The following RNF213 variants were observed in gnomAD, a reference collection of about 807,000 sequenced individuals.
RNF213 encodes ring finger protein 213.
A neutral mutation model predicts 514.4 loss-of-function variants in RNF213; 341 were observed. That is an observed-to-expected ratio of 0.66 (90% CI 0.61 to 0.73). RNF213 has a LOEUF of 0.73. RNF213 is among the 30% of genes least tolerant of loss of function. The pLI is 0.00. For missense variants in RNF213, 5,767 were observed against 6,615.6 expected, an observed-to-expected ratio of 0.87 and a Z score of 4.45; for synonymous variants, 2,655 against 2,658.2, an observed-to-expected ratio of 1.00 and a Z score of 0.04.
rs530851821 is a variant in RNF213 at position 80,396,500 on chromosome 17, G to A, written c.*3002G>A. The A allele has an allele frequency of 6.6e-6, 1 of 152,322 alleles. No individual in the cohort carries two copies. The highest frequency in any genetic ancestry group is 3.4e-3 in the Middle Eastern group (1 of 294). 9.4% of individuals were successfully genotyped at this position (152,322 alleles called of 1,614,324 possible). On this transcript the variant is annotated 3_prime_UTR_variant, in exon 68 of 68. Coordinates refer to ENST00000582970, the MANE Select transcript of RNF213 (RefSeq NM_001256071.3). ...TCTAGCCATGCACACAGGCACTAGT[G>A]TGCTGAAGGAAAACACCTCTGATTT...
chr17:80,311,772 G>A (rs2045582583), intron 14 of RNF213, among the ~76,000 whole-genome samples: 1 of 152,144 alleles, frequency 6.6e-6, no homozygotes, highest in African/African-American at 2.4e-5. Context: ...GCACCTGAGC[G>A]TATCCAGGTT....
At chr17:80,282,599 C>T (rs545508410) in intron 3 of RNF213, among the ~76,000 whole-genome samples, 17 of 152,224 alleles carry the variant, frequency 1.1e-4, no homozygotes, top group Middle Eastern at 6.8e-3. Context: ...GGGGTTTCAC[C>T]GTGTTAGCCA....
At chr17:80,318,100 C>G (rs2046007813) in intron 16 of RNF213, among the ~76,000 whole-genome samples, 1 of 152,124 alleles carries the variant, frequency 6.6e-6, no homozygotes, top group Non-Finnish European at 1.5e-5. Flanking sequence ...GTCCAGCCAT[C>G]CCTCTGAAGT....
chr17:80,353,489 A>G lies in RNF213; in HGVS notation c.10424-23A>G. ...TGTGCCACCTTCTGAGTGGTAACGCAATCACGTTTGCTTCGACTGCAGTGG... is the reference window on the plus strand; with the variant it reads ...TGTGCCACCTTCTGAGTGGTAACGCGATCACGTTTGCTTCGACTGCAGTGG... On this transcript the variant is annotated intron_variant, in intron 33 of 67. Transcript: ENST00000582970. This position sits in a 1 kb window ranked among gnomAD's most constrained non-coding sequence, Gnocchi z 5.0. The G allele has an allele frequency of 6.3e-7, 1 of 1,595,094 alleles. No homozygotes were observed. The highest frequency in any genetic ancestry group is 8.5e-7 in the Non-Finnish European group (1 of 1,170,772).
chr17:80,378,025 C>T (rs2079832396), intron 54 of RNF213, among the ~76,000 whole-genome samples: 2 of 152,154 alleles, frequency 1.3e-5, no homozygotes, highest in African/African-American at 4.8e-5. Context: ...CGTGGGCTGT[C>T]CTGTGCACTG....
intron 2 of RNF213, among the ~76,000 whole-genome samples, chr17:80,271,057 T>A (rs928365198): frequency 6.6e-6 from 1 of 151,982 alleles, no homozygotes; most frequent in African/African-American, 2.4e-5. Flanking sequence ...CCAGGGTAAA[T>A]ATCGGCCCTG....
intron 18 of RNF213, 146 bp downstream of exon 18, chr17:80,325,344 AC>A: frequency 1.3e-6 from 1 of 774,892 alleles, no homozygotes; most frequent in East Asian, 2.7e-5. Context: ...GGACAGAGAG[AC>A]CCTGGAAGGC....
rs993119013 is a variant in RNF213, at chr17:80,263,859, C to A, written c.97+81C>A. 1 of 1,245,942 alleles carries A rather than the reference C, an allele frequency of 8.0e-7. No homozygotes were observed. Among genetic ancestry groups the A allele is most frequent in the Non-Finnish European group, 1.2e-6 (1 of 851,520 alleles). 77.2% of individuals were successfully genotyped at this position (1,245,942 alleles called of 1,614,324 possible). ...TCACCTCCCTTCCAGGAAATGGAAA[C>A]CCTGGGCAGCAGGCAGCTCAGGTGG... is the stretch of plus-strand genomic sequence containing the variant. On this transcript the variant is annotated intron_variant, in intron 2 of 67. Coordinates refer to ENST00000582970, the MANE Select transcript of RNF213 (RefSeq NM_001256071.3). This position sits in a 1 kb window ranked among gnomAD's most constrained non-coding sequence, Gnocchi z 4.9.
chr17:80,327,673 C>T (rs2046315170), intron 18 of RNF213, 143 bp from the exon 19 acceptor site: 5 of 657,884 alleles, frequency 7.6e-6, no homozygotes, highest in South Asian at 6.5e-5. Flanking sequence ...GAATGATTGG[C>T]GCATCTGGAG....
At chr17:80,284,220 C>G (rs763891430) in intron 3 of RNF213, among the ~76,000 whole-genome samples, 7 of 152,048 alleles carry the variant, frequency 4.6e-5, no homozygotes, top group African/African-American at 7.2e-5. Flanking sequence ...AAAAATTAGC[C>G]GGGCATGATG....
At chr17:80,375,215 C>T (rs112791875) in intron 50 of RNF213, among the ~76,000 whole-genome samples, 72 of 152,304 alleles carry the variant, frequency 4.7e-4, no homozygotes, top group African/African-American at 1.6e-3. Flanking sequence ...GCTAAATATG[C>T]GTTGAGTTTA....
rs755262916 is a variant in RNF213, at chr17:80,294,917, G to A, written c.1669G>A (p.Glu557Lys). ...INLNSFFTQF[E>K]QFCFVLQQPM... ...CCTGAACAGCTTCTTCACCCAGTTC[G>A]AGCAGTTTTGCTTTGTCCTGCAACA... The change falls in exon 9 of 68, where the codon GAG (glutamate) becomes AAG (lysine). Residue 557 changes from glutamate (E) to lysine (K), a missense_variant. Transcript: ENST00000582970. The A allele has an allele frequency of 5.6e-6, 9 of 1,614,126 alleles. No individual in the cohort carries two copies. The highest frequency in any genetic ancestry group is 1.1e-5 in the South Asian group (1 of 91,076).
rs1213586684 is a variant in RNF213 at position 80,294,937 on chromosome 17, G to C, written c.1689G>C (p.Leu563=). ...FTQFEQFCFV[L]QQPMIYEGQA... ...AGTTCGAGCAGTTTTGCTTTGTCCTGCAACAGCCTATGATTTATGAAGGAC... is the reference window on the plus strand; with the variant it reads ...AGTTCGAGCAGTTTTGCTTTGTCCTCCAACAGCCTATGATTTATGAAGGAC... The change falls in exon 9 of 68, where the codon CTG becomes CTC. Residue 563 remains leucine (L), a synonymous_variant. Transcript: ENST00000582970. 3.1e-6 allele frequency: 5 copies of C among 1,614,078 alleles called. No individual in the cohort carries two copies. The African/African-American group carries it at 6.7e-5, about 22-fold the overall frequency.
chr17:80,358,540 T>C (rs1042032923), intron 37 of RNF213, 61 bp downstream of exon 37: 2 of 1,473,260 alleles, frequency 1.4e-6, no homozygotes, highest in African/African-American at 1.4e-5. Flanking sequence ...AGGACCCTAA[T>C]ATGCTCTCCC....
At chr17:80,352,104 C>T in intron 32 of RNF213, 1 of 287,538 alleles carries the variant, frequency 3.5e-6, no homozygotes, top group Non-Finnish European at 6.7e-6. Flanking sequence ...CCGCTCGCCC[C>T]AGCCTCCCAA....
intron 8 of RNF213, among the ~76,000 whole-genome samples, chr17:80,293,767 C>T (rs111932036): frequency 7.8e-4 from 118 of 151,974 alleles, no homozygotes; most frequent in African/African-American, 2.7e-3. Flanking sequence ...GCGGAGCTTG[C>T]AGTGAGCCAA....
At position 80,386,341 on chromosome 17, in the gene RNF213, C is replaced by G; in HGVS notation, c.14631C>G (p.Gly4877=). The change falls in exon 62 of 68, where the codon GGC becomes GGG. Residue 4877 remains glycine, a synonymous_variant. Coordinates refer to ENST00000582970, the MANE Select transcript of RNF213 (RefSeq NM_001256071.3). The stretch of plus-strand genomic sequence containing the variant: ...TCTTGCCACGCCGACGGGGCCTGGG[C>G]CTCTGTGCTACCGCTCTCGTCAGCT... The part of the protein sequence containing the change: ...EILLPRRRGL[G]LCATALVSYL... 6.2e-7 allele frequency: 1 copy of G among 1,614,106 alleles called. No homozygotes were observed. Among genetic ancestry groups the G allele is most frequent in the Non-Finnish European group, 8.5e-7 (1 of 1,179,998 alleles).
At chr17:80,291,894 A>C (rs2044744118) in intron 8 of RNF213, 67 bp downstream of exon 8, 2 of 1,548,258 alleles carry the variant, frequency 1.3e-6, no homozygotes, top group East Asian at 2.3e-5. Flanking sequence ...GCGGTACTGG[A>C]CGCGTCTCTC....
Position 80,291,677 on chromosome 17 carries a change from A to C in RNF213, c.1321A>C (p.Lys441Gln), listed in dbSNP as rs771268044. 2 of 1,614,112 alleles carry C rather than the reference A, an allele frequency of 1.2e-6. No homozygotes were observed. Among genetic ancestry groups the C allele is most frequent in the Middle Eastern group, 1.6e-4 (1 of 6,084 alleles). The change falls in exon 8 of 68, where the codon AAG becomes CAG. Residue 441 changes from lysine to glutamine, a missense_variant. Transcript: ENST00000582970. ...TGTTGAAGGCATTGTCTGCATTTCC[A>C]AGAAGCACCTAGATAAATACATTCC... ...VLVEGIVCIS[K>Q]KHLDKYIPYK...
Sources: gnomAD v4.1 joint callset for allele counts (sites outside exome capture counted in the v4.1 genomes callset) on GRCh38, gnomAD v4.1.1 for gene constraint, Gnocchi (gnomAD v3.1) non-coding constraint, MANE v1.5 for transcripts, NCBI Gene and HGNC (gene_info 2026-07-23, HGNC 2026-07-21) for gene names.